SMYD4: variants seen among roughly 807,000 people sequenced by gnomAD.
SMYD4 encodes the protein SET and MYND domain containing 4.
In SMYD4, 68 loss-of-function variants were observed where a neutral mutation model predicts 72.8. That is an observed-to-expected ratio of 0.93 (90% CI 0.77 to 1.14). The LOEUF (loss-of-function observed/expected upper bound fraction) is 1.14. SMYD4 is among the 50% of genes most tolerant of loss of function. SMYD4 has a pLI of 0.00. For missense variants in SMYD4, 984 were observed against 1,003.7 expected, an observed-to-expected ratio of 0.98 and a Z score of 0.27; for synonymous variants, 407 against 388.6, an observed-to-expected ratio of 1.05 and a Z score of -0.56.
chr17:1,794,081 GTATATATA>G (rs1226883815), intron 5 of SMYD4, among the ~76,000 whole-genome samples: 2 of 17,124 alleles, frequency 1.2e-4, no homozygotes, highest in African/African-American at 4.9e-4. Context: ...ATATATATGT[GTATATATA>G]TATATATATA....
At chr17:1,801,451 A>G (rs996958650) in intron 4 of SMYD4, among the ~76,000 whole-genome samples, 4 of 151,348 alleles carry the variant, frequency 2.6e-5, no homozygotes, top group African/African-American at 9.7e-5. Flanking sequence ...CATGTTAGCC[A>G]GGATGGTTTC....
chr17:1,792,139 T>C (rs1237947352), intron 5 of SMYD4, among the ~76,000 whole-genome samples: 1 of 151,444 alleles, frequency 6.6e-6, no homozygotes, highest in African/African-American at 2.4e-5. Context: ...GCCTCCTGGG[T>C]TCACACCATT....
intron 2 of SMYD4, among the ~76,000 whole-genome samples, chr17:1,814,298 CT>C (rs569596392): frequency 1.8e-4 from 28 of 152,024 alleles, no homozygotes; most frequent in African/African-American, 6.5e-4. Context: ...GGGCAAGGCC[CT>C]GTCTCAAAAA....
intron 5 of SMYD4, among the ~76,000 whole-genome samples, chr17:1,790,846 G>C (rs1385316093): frequency 1.3e-5 from 2 of 151,716 alleles, no homozygotes. Flanking sequence ...AAAGATTCAT[G>C]CCGGGCGCGG....
At chr17:1,824,255 A>G (rs1911042909) in intron 2 of SMYD4, among the ~76,000 whole-genome samples, 1 of 152,166 alleles carries the variant, frequency 6.6e-6, no homozygotes, top group African/African-American at 2.4e-5. Context: ...AGACAGGAGA[A>G]TCGCTTGAAC....
intron 4 of SMYD4, 53 bp from the exon 5 acceptor site, chr17:1,801,077 T>C: frequency 2.7e-6 from 4 of 1,491,524 alleles, no homozygotes; most frequent in Non-Finnish European, 3.6e-6. Flanking sequence ...TTCTTCAATG[T>C]TTACTGAAAA....
rs1490783151 is a variant in SMYD4 at position 1,828,004 on chromosome 17, G to A, written c.-10C>T. The A allele has an allele frequency of 6.2e-7, 1 of 1,601,916 alleles. No individual in the cohort carries two copies. Among genetic ancestry groups the A allele is most frequent in the African/African-American group, 1.3e-5 (1 of 74,684 alleles). ...CCACAGGCAGATCCATGCTGCTTTT[G>A]ATCTATAAAATGAGTAAGAAAATAG... On this transcript the variant is annotated splice_region_variant and 5_prime_UTR_variant, in exon 2 of 11. Transcript: ENST00000305513.
In SMYD4 at chr17:1,826,583, G is replaced by C. The variant is rs74374276; in HGVS notation, c.134+1278C>G. Among the ~76,000 whole-genome samples, 36 of 151,774 alleles carry C rather than the reference G, an allele frequency of 2.4e-4. No homozygotes were observed. In the East Asian group the frequency reaches 7.0e-3, roughly 29 times the overall value. On this transcript the variant is annotated intron_variant, in intron 2 of 10. Coordinates refer to ENST00000305513, the MANE Select transcript of SMYD4 (RefSeq NM_052928.3). ...ATAACCCTAACTGTACCGAGTATCT[G>C]AACTGGCAAGGCTCAAAACTGAACT...
At chr17:1,818,351 C>T (rs1910736836) in intron 2 of SMYD4, among the ~76,000 whole-genome samples, 1 of 152,082 alleles carries the variant, frequency 6.6e-6, no homozygotes, top group East Asian at 1.9e-4. Context: ...TGGGACATAT[C>T]CACATATGCA....
chr17:1,823,884 C>T (rs909455555), intron 2 of SMYD4, among the ~76,000 whole-genome samples: 2 of 152,182 alleles, frequency 1.3e-5, no homozygotes, highest in East Asian at 1.9e-4. Flanking sequence ...GAGAATCTGT[C>T]TGACACATGA....
chr17:1,820,475 A>G (rs1248314058), intron 2 of SMYD4, among the ~76,000 whole-genome samples: 1 of 152,152 alleles, frequency 6.6e-6, no homozygotes, highest in Non-Finnish European at 1.5e-5. Flanking sequence ...CCTGGGCTCC[A>G]GCGATCCTCT....
intron 1 of SMYD4, 99 bp from the exon 2 acceptor site, chr17:1,828,105 C>T: frequency 8.2e-7 from 1 of 1,220,126 alleles, no homozygotes; most frequent in Non-Finnish European, 1.2e-6. Flanking sequence ...AATCCCAGCA[C>T]TTTGGGAAGC....
At chr17:1,826,816 C>G (rs932595585) in intron 2 of SMYD4, among the ~76,000 whole-genome samples, 2 of 152,170 alleles carry the variant, frequency 1.3e-5, no homozygotes, top group Non-Finnish European at 2.9e-5. Flanking sequence ...TTAATGTTTA[C>G]TAACCACTTA....
At chr17:1,802,565 G>C (rs966441923) in intron 4 of SMYD4, among the ~76,000 whole-genome samples, 2 of 152,160 alleles carry the variant, frequency 1.3e-5, no homozygotes, top group Non-Finnish European at 2.9e-5. Context: ...TCAATGTATT[G>C]CAAGTTCTTT....
Position 1,784,334 on chromosome 17 carries a change from C to T in SMYD4, c.2012G>A (p.Gly671Asp). 1.2e-6 allele frequency: 2 copies of T among 1,614,188 alleles called. No individual in the cohort carries two copies. The highest frequency in any genetic ancestry group is 1.7e-6 in the Non-Finnish European group (2 of 1,180,040). ...VRVAQKLLRD[G>D]ELERAVQRLS... Reference sequence around the variant, plus strand: ...CAGGGAGCCAGTCTCACCTAGTTCACCATCTCTGAGAAGCTTCTGGGCCAC... The same window carrying T: ...CAGGGAGCCAGTCTCACCTAGTTCATCATCTCTGAGAAGCTTCTGGGCCAC... Residue 671 changes from glycine to aspartate, a missense_variant, in exon 8 of 11, where the codon GGT becomes GAT. By Grantham distance (94) the Gly-to-Asp change is moderately conservative (BLOSUM62 -1). Transcript: ENST00000305513.
intron 1 of SMYD4, among the ~76,000 whole-genome samples, 190 bp from the exon 2 acceptor site, chr17:1,828,196 A>G (rs1294537376): frequency 2.0e-5 from 3 of 151,826 alleles, no homozygotes; most frequent in Non-Finnish European, 4.4e-5. Flanking sequence ...TAAAACTACA[A>G]AAAAATTAGC....
At chr17:1,799,664 A>G in intron 5 of SMYD4, among the ~76,000 whole-genome samples, 193 bp downstream of exon 5, 1 of 152,092 alleles carries the variant, frequency 6.6e-6, no homozygotes, top group African/African-American at 2.4e-5. Flanking sequence ...GTGGGCCACC[A>G]CGCCTGGCAG....
At chr17:1,823,391 C>T (rs1239838679) in intron 2 of SMYD4, among the ~76,000 whole-genome samples, 4 of 53,198 alleles carry the variant, frequency 7.5e-5, no homozygotes, top group Admixed American at 2.3e-4. Context: ...GAGACTCCGT[C>T]TCAAAAAAAA....
chr17:1,811,873 G>A (rs1910344882), intron 3 of SMYD4, 98 bp downstream of exon 3: 1 of 1,351,952 alleles, frequency 7.4e-7, no homozygotes, highest in Non-Finnish European at 1.0e-6. Flanking sequence ...GTTGCAGTGA[G>A]CTGAGATTAT....
Sources: gnomAD v4.1 joint callset for allele counts (sites outside exome capture counted in the v4.1 genomes callset) on GRCh38, gnomAD v4.1.1 for gene constraint, MANE v1.5 for transcripts, NCBI Gene and HGNC (gene_info 2026-07-23, HGNC 2026-07-21) for gene names.